The following KIAA1328 variants were observed in gnomAD, a reference collection of about 807,000 sequenced individuals.
KIAA1328 encodes the protein KIAA1328, also known as protein hinderin.
KIAA1328 carries 52 observed loss-of-function variants against 68.1 expected under a neutral mutation model. That is an observed-to-expected ratio of 0.76 (90% CI 0.61 to 0.96). The LOEUF is 0.96. KIAA1328 is among the 40% of genes least tolerant of loss of function. The pLI is 0.00. For synonymous variants in KIAA1328, 232 were observed against 239.4 expected (o/e 0.97, Z 0.28); for missense variants, 641 against 677.6 (o/e 0.95, Z 0.60).
At chr18:36,976,209 C>T (rs2052465900) in intron 6 of KIAA1328, among the ~76,000 whole-genome samples, 1 of 152,090 alleles carries the variant, frequency 6.6e-6, no homozygotes, top group Admixed American at 6.6e-5. Flanking sequence ...ACACCTGTGG[C>T]TATAATTTTG....
chr18:36,927,981 C>CAT (rs775852613), intron 5 of KIAA1328, among the ~76,000 whole-genome samples: 3 of 152,066 alleles, frequency 2.0e-5, no homozygotes, highest in South Asian at 2.1e-4. Context: ...CACAGAAATA[C>CAT]ATATATATAA....
intron 6 of KIAA1328, among the ~76,000 whole-genome samples, chr18:37,055,548 A>G (rs2055875569): frequency 6.6e-6 from 1 of 152,204 alleles, no homozygotes; most frequent in South Asian, 2.1e-4. Context: ...GACTTTGGCA[A>G]ACCACACAGT....
intron 6 of KIAA1328, among the ~76,000 whole-genome samples, chr18:37,000,477 C>T (rs1314201560): frequency 3.3e-5 from 5 of 152,040 alleles, no homozygotes; most frequent in Non-Finnish European, 1.5e-5. Flanking sequence ...TAAACATTGA[C>T]CTTAAACTGG....
At position 36,849,935 on chromosome 18, in the gene KIAA1328, C is replaced by T. The variant is rs189793751; in HGVS notation, c.332+5633C>T. Among the ~76,000 whole-genome samples, 15 of 152,128 alleles carry T rather than the reference C, an allele frequency of 9.9e-5. 1 individual carries two copies. The highest frequency in any genetic ancestry group is 8.5e-4 in the Admixed American group (13 of 15,248). Reference sequence around the variant, plus strand: ...CATGTGGTTTAGATTTACATTTCCCCGGTGGCTAATGATACTGAAAAATCT... The same window carrying T: ...CATGTGGTTTAGATTTACATTTCCCTGGTGGCTAATGATACTGAAAAATCT... On this transcript the variant is annotated intron_variant, in intron 4 of 9. Coordinates refer to ENST00000280020, the MANE Select transcript of KIAA1328 (RefSeq NM_020776.3).
chr18:36,991,270 A>G (rs1867626), intron 6 of KIAA1328, among the ~76,000 whole-genome samples: 111,418 of 152,090 alleles, frequency 0.73, 43,959 homozygotes, highest in South Asian at 0.89. Context: ...ATTCTGTTAG[A>G]TTTAACATGG....
intron 7 of KIAA1328, among the ~76,000 whole-genome samples, chr18:37,116,630 G>A (rs1221174809): frequency 6.6e-6 from 1 of 152,146 alleles, no homozygotes; most frequent in African/African-American, 2.4e-5. Flanking sequence ...AACACCAAAA[G>A]CAACGGCAAC....
At chr18:36,912,184 C>T (rs1252459027) in intron 5 of KIAA1328, among the ~76,000 whole-genome samples, 2 of 152,010 alleles carry the variant, frequency 1.3e-5, no homozygotes, top group Non-Finnish European at 2.9e-5. Context: ...ATTTAGTGGC[C>T]TAACACAAAA....
At chr18:37,084,342 T>G in intron 7 of KIAA1328, 2 of 453,982 alleles carry the variant, frequency 4.4e-6, no homozygotes, top group Non-Finnish European at 7.3e-6. Flanking sequence ...TGTGACCATA[T>G]GAATACGTAC....
chr18:37,017,426 A>G (rs1598982329), intron 6 of KIAA1328, among the ~76,000 whole-genome samples: 1 of 152,138 alleles, frequency 6.6e-6, no homozygotes, highest in Non-Finnish European at 1.5e-5. Flanking sequence ...GATGAGAAGA[A>G]TGTATATTCT....
At chr18:37,036,890 C>T (rs926031536) in intron 6 of KIAA1328, among the ~76,000 whole-genome samples, 24 of 152,090 alleles carry the variant, frequency 1.6e-4, no homozygotes, top group Non-Finnish European at 3.2e-4. Flanking sequence ...AACAAAATAG[C>T]TTGATCATCC....
chr18:37,146,733 T>G (rs2154209061), intron 7 of KIAA1328, among the ~76,000 whole-genome samples: 1 of 152,332 alleles, frequency 6.6e-6, no homozygotes, highest in East Asian at 1.9e-4. Context: ...TGTCCCTAAC[T>G]TACTACAGTC....
intron 6 of KIAA1328, among the ~76,000 whole-genome samples, chr18:36,960,150 G>T (rs535497193): frequency 2.0e-5 from 3 of 152,290 alleles, no homozygotes; most frequent in African/African-American, 7.2e-5. Flanking sequence ...CAGACCAGGG[G>T]ATTCTCTCCT....
At chr18:37,027,856 A>G (rs377064315) in intron 6 of KIAA1328, among the ~76,000 whole-genome samples, 1 of 152,182 alleles carries the variant, frequency 6.6e-6, no homozygotes, top group African/African-American at 2.4e-5. Flanking sequence ...ACAAAAGCCA[A>G]AATTGACAAA....
At chr18:36,892,029 A>G (rs2048706084) in intron 5 of KIAA1328, among the ~76,000 whole-genome samples, 1 of 152,210 alleles carries the variant, frequency 6.6e-6, no homozygotes, top group Non-Finnish European at 1.5e-5. Flanking sequence ...CATTCGTTGC[A>G]AATAACAGTA....
chr18:37,064,418 C>A (rs564897358), intron 6 of KIAA1328, among the ~76,000 whole-genome samples: 95 of 152,084 alleles, frequency 6.2e-4, no homozygotes, highest in African/African-American at 2.3e-3. Context: ...ATTTTTCTCC[C>A]CTTATACTAG....
intron 5 of KIAA1328, among the ~76,000 whole-genome samples, chr18:36,895,421 G>A (rs2048837544): frequency 1.3e-5 from 2 of 152,162 alleles, no homozygotes; most frequent in African/African-American, 2.4e-5. Flanking sequence ...TATGTGAAGG[G>A]ATGTTTTGGG....
chr18:36,874,823 G>A (rs1480733396), intron 4 of KIAA1328, among the ~76,000 whole-genome samples: 2 of 152,108 alleles, frequency 1.3e-5, no homozygotes, highest in African/African-American at 2.4e-5. Flanking sequence ...TAGGTCTTAC[G>A]TTTAAGTCTT....
rs1031909716 is a variant in KIAA1328 at position 36,865,223 on chromosome 18, C to T, written c.333-20334C>T. Among the ~76,000 whole-genome samples the T allele has an allele frequency of 2.6e-5, 4 of 151,780 alleles. No homozygotes were observed. The South Asian group carries it at 6.2e-4, about 24-fold the overall frequency. ...TTACTGTACCCTACCTATTTTAATT[C>T]GTTCTGTTTTCATTTTTATTTCATT... On this transcript the variant is annotated intron_variant, in intron 4 of 9. Transcript: ENST00000280020.
In KIAA1328 at chr18:36,829,157, C is replaced by A. The variant is rs769042456; in HGVS notation, c.19C>A (p.Pro7Thr). 2 of 1,532,998 alleles carry A rather than the reference C, an allele frequency of 1.3e-6. No homozygotes were observed. The highest frequency in any genetic ancestry group is 2.5e-5 in the East Asian group (1 of 39,360). 95.0% of individuals were successfully genotyped at this position (1,532,998 alleles called of 1,614,324 possible). Residue 7 changes from proline (P) to threonine (T), a missense_variant, in exon 1 of 10, where the codon CCC becomes ACC. Physicochemically the swap from Pro to Thr is conservative, Grantham distance 38. Transcript: ENST00000280020. ...TTTCAAGATGGCGGACGTGGCGGGC[C>A]CCTCCCGCCCCAGTGCCGCGGCGTT... MADVAG[P>T]SRPSAAAFWS...
Sources: gnomAD v4.1 joint callset for allele counts (sites outside exome capture counted in the v4.1 genomes callset) on GRCh38, gnomAD v4.1.1 for gene constraint, MANE v1.5 for transcripts, NCBI Gene and HGNC (gene_info 2026-07-23, HGNC 2026-07-21) for gene names.